TSHZ2: variants seen among roughly 807,000 people sequenced by gnomAD.
TSHZ2 encodes the protein teashirt homolog 2.
Under a neutral mutation model 74.4 loss-of-function variants are expected in TSHZ2, and 21 were observed. The ratio of observed to expected loss-of-function variants is 0.28; its 90% CI spans 0.20 to 0.41. TSHZ2 has a LOEUF of 0.41. Among genes scored for constraint, TSHZ2 ranks in the 10% least tolerant of loss-of-function variants. TSHZ2 has a pLI of 1.00. For synonymous variants in TSHZ2, 540 were observed against 515.3 expected, an observed-to-expected ratio of 1.05 and a Z score of -0.65; for missense variants, 1,244 against 1,293.5, an observed-to-expected ratio of 0.96 and a Z score of 0.59.
rs34687825 is a variant in TSHZ2, at chr20:53,323,563, C to CTTTTTTTT, written c.*8+67017_*8+67024dup. Among the ~76,000 whole-genome samples, 282 of 36,678 alleles carry CTTTTTTTT rather than the reference C, an allele frequency of 7.7e-3. 83 individuals carry two copies. The highest frequency in any genetic ancestry group is 0.013 in the African/African-American group (109 of 8,554). The allele number at this position is 36,678 out of a possible 152,430, so 24.1% of individuals were successfully genotyped here. A position where few individuals can be genotyped will look rare whatever the true frequency, so the allele number is the denominator to read the frequency against. ...CACCCGTTTTCATTGCCTTGGAGGG[C>CTTTTTTTT]TTTTTTTTTTTTTTTTTTTTTTTTT... On this transcript the variant is annotated intron_variant, in intron 2 of 2. Coordinates refer to ENST00000371497, the MANE Select transcript of TSHZ2 (RefSeq NM_173485.6).
chr20:52,973,589 C>T (rs1009967598), intron 1 of TSHZ2, among the ~76,000 whole-genome samples: 5 of 152,194 alleles, frequency 3.3e-5, no homozygotes, highest in Non-Finnish European at 1.5e-5. Context: ...CCCTCTACCC[C>T]ACCCCTAACT....
At chr20:53,460,218 T>A (rs1402502089) in intron 2 of TSHZ2, among the ~76,000 whole-genome samples, 1 of 151,786 alleles carries the variant, frequency 6.6e-6, no homozygotes, top group Admixed American at 6.6e-5. Context: ...TTTGGTCTTT[T>A]CGCATAGTCC....
intron 1 of TSHZ2, among the ~76,000 whole-genome samples, chr20:53,205,403 T>A (rs1288299594): frequency 6.6e-6 from 1 of 152,216 alleles, no homozygotes; most frequent in East Asian, 1.9e-4. Context: ...TGTACTTTAC[T>A]CTGTGCAAAA....
chr20:53,355,050 C>A (rs1980793997), intron 2 of TSHZ2, among the ~76,000 whole-genome samples: 1 of 152,088 alleles, frequency 6.6e-6, no homozygotes, highest in Admixed American at 6.6e-5. Context: ...TTCATTTATT[C>A]ACTTACTTAT....
At chr20:53,388,455 C>A (rs1245309575) in intron 2 of TSHZ2, among the ~76,000 whole-genome samples, 1 of 152,234 alleles carries the variant, frequency 6.6e-6, no homozygotes, top group Non-Finnish European at 1.5e-5. Flanking sequence ...AAAGCAACCA[C>A]ATCTACTGTG....
At chr20:53,060,328 ACT>A (rs1350123446) in intron 1 of TSHZ2, among the ~76,000 whole-genome samples, 1 of 152,180 alleles carries the variant, frequency 6.6e-6, no homozygotes, top group Non-Finnish European at 1.5e-5. Context: ...ATGGCAAATA[ACT>A]CTGATTTCTC....
At position 53,473,163 on chromosome 20, in the gene TSHZ2, A is replaced by G. The variant is rs947715071; in HGVS notation, c.*9-13981A>G. Among the ~76,000 whole-genome samples the G allele has an allele frequency of 1.4e-3, 199 of 146,922 alleles. 2 individuals are homozygous for G. The highest frequency in any genetic ancestry group is 4.9e-3 in the African/African-American group (193 of 39,154). On this transcript the variant is annotated intron_variant, in intron 2 of 2. Coordinates refer to ENST00000371497, the MANE Select transcript of TSHZ2 (RefSeq NM_173485.6). ...ACTGGGCCCAGCCCACCACAGCTCA[A>G]GGAGTCCTGCCTGCCTCTGTAGGCT...
At chr20:53,103,816 G>A (rs537381431) in intron 1 of TSHZ2, among the ~76,000 whole-genome samples, 2 of 152,256 alleles carry the variant, frequency 1.3e-5, no homozygotes, top group African/African-American at 4.8e-5. Context: ...GCCACACCTG[G>A]ATTTTAATAT....
At chr20:53,272,333 C>T (rs1990857428) in intron 2 of TSHZ2, among the ~76,000 whole-genome samples, 2 of 152,106 alleles carry the variant, frequency 1.3e-5, no homozygotes, top group South Asian at 4.1e-4. Context: ...TTAACTGAGC[C>T]TCCAGTTGAC....
At chr20:53,240,401 T>C (rs1333415057) in intron 1 of TSHZ2, among the ~76,000 whole-genome samples, 1 of 152,162 alleles carries the variant, frequency 6.6e-6, no homozygotes, top group Non-Finnish European at 1.5e-5. Flanking sequence ...TAGTGATCTC[T>C]TCAGCATTGC....
intron 2 of TSHZ2, among the ~76,000 whole-genome samples, chr20:53,462,885 T>C (rs1255681122): frequency 6.6e-6 from 1 of 152,112 alleles, no homozygotes; most frequent in African/African-American, 2.4e-5. Context: ...CTAATAACCA[T>C]AGTGACCCCA....
Position 53,255,068 on chromosome 20 carries a change from G to C in TSHZ2, c.1610G>C (p.Ser537Thr). Residue 537 changes from serine (S) to threonine (T), a missense_variant, in exon 2 of 3, where the codon AGC becomes ACC. Around this residue, in one of 6 missense-constraint regions of TSHZ2, gnomAD observed 562 missense variants for 544.0 expected, o/e 1.03. Transcript: ENST00000371497. The surrounding 1 kb of genome is among the most constrained non-coding windows in gnomAD (Gnocchi z 4.1). ...AACAAAGCCCAAAACGGGGCCCCCA[G>C]CTGGAGTGCCTACCCCAGCATCCAC... The part of the protein sequence containing the change: ...AINKAQNGAP[S>T]WSAYPSIHAA... 1 of 1,614,158 alleles carries C rather than the reference G, an allele frequency of 6.2e-7. No homozygotes were observed. The highest frequency in any genetic ancestry group is 8.5e-7 in the Non-Finnish European group (1 of 1,180,024).
chr20:53,185,451 G>C (rs764985514), intron 1 of TSHZ2: 151 of 1,351,472 alleles, frequency 1.1e-4, no homozygotes, highest in Non-Finnish European at 1.4e-4. Context: ...GAGGCAGGCA[G>C]ATCAGATCAT....
At chr20:53,160,478 C>T (rs1289563014) in intron 1 of TSHZ2, among the ~76,000 whole-genome samples, 1 of 152,112 alleles carries the variant, frequency 6.6e-6, no homozygotes, top group Non-Finnish European at 1.5e-5. Flanking sequence ...ATAAGACAGA[C>T]ATTTTCAGGG....
chr20:53,243,925 A>G (rs1048882441), intron 1 of TSHZ2, among the ~76,000 whole-genome samples: 2 of 151,870 alleles, frequency 1.3e-5, no homozygotes, highest in Non-Finnish European at 2.9e-5. Context: ...TGGCTAATGC[A>G]GTTAGACATT....
chr20:53,462,466 G>A (rs953974954), intron 2 of TSHZ2, among the ~76,000 whole-genome samples: 8 of 152,124 alleles, frequency 5.3e-5, no homozygotes, highest in Non-Finnish European at 1.0e-4. Context: ...CACGCTGTTG[G>A]TCAATAAAGC....
At chr20:53,358,045 T>C (rs1221825440) in intron 2 of TSHZ2, among the ~76,000 whole-genome samples, 2 of 152,176 alleles carry the variant, frequency 1.3e-5, no homozygotes, top group Admixed American at 1.3e-4. Context: ...AGAGATGGTA[T>C]AATTTCATTT....
chr20:53,433,586 C>CACACAG (rs1301109445), intron 2 of TSHZ2, among the ~76,000 whole-genome samples: 104 of 107,936 alleles, frequency 9.6e-4, no homozygotes, highest in African/African-American at 2.8e-3. Flanking sequence ...GACACACAGA[C>CACACAG]ACACACACAC....
intron 2 of TSHZ2, among the ~76,000 whole-genome samples, chr20:53,464,165 A>C (rs1252257385): frequency 6.6e-6 from 1 of 152,112 alleles, no homozygotes; most frequent in Non-Finnish European, 1.5e-5. Flanking sequence ...CATGGTGGCA[A>C]CTCTGGAGAC....
Sources: gnomAD v4.1 joint callset for allele counts (sites outside exome capture counted in the v4.1 genomes callset) on GRCh38, gnomAD v4.1.1 for gene constraint, gnomAD v4.1.1 regional missense constraint, Gnocchi (gnomAD v3.1) non-coding constraint, MANE v1.5 for transcripts, NCBI Gene and HGNC (gene_info 2026-07-23, HGNC 2026-07-21) for gene names.